CCDC3: variants seen among roughly 807,000 people sequenced by gnomAD.
CCDC3 encodes the protein coiled-coil domain containing 3.
Under a neutral mutation model 21.4 loss-of-function variants are expected in CCDC3, and 24 were observed. The observed-to-expected ratio is 1.12, with a 90% CI of 0.81 to 1.58. The LOEUF is 1.58. Among genes scored for constraint, CCDC3 ranks in the 40% most tolerant of loss-of-function variants. CCDC3 has a pLI of 0.00. For synonymous variants in CCDC3, 186 were observed against 166.0 expected, an observed-to-expected ratio of 1.12 and a Z score of -0.93; for missense variants, 425 against 360.9, an observed-to-expected ratio of 1.18 and a Z score of -1.44.
intron 2 of CCDC3, among the ~76,000 whole-genome samples, chr10:12,923,183 G>C (rs573298873): frequency 1.3e-5 from 2 of 152,286 alleles, no homozygotes; most frequent in South Asian, 4.1e-4. Flanking sequence ...TTCTAGAAGG[G>C]AAAGTAATCT....
intron 2 of CCDC3, among the ~76,000 whole-genome samples, chr10:12,965,245 T>A (rs1835244138): frequency 6.6e-6 from 1 of 152,170 alleles, no homozygotes. Context: ...TTAAGGGGTA[T>A]GACTTTTTTT....
chr10:12,975,443 C>T (rs962009880), intron 2 of CCDC3, among the ~76,000 whole-genome samples: 2 of 152,156 alleles, frequency 1.3e-5, no homozygotes, highest in South Asian at 2.1e-4. Context: ...AGATCAGTTT[C>T]GGCAGCCTCT....
At chr10:13,042,709 C>T (rs558452568) in intron 5 of CCDC3, among the ~76,000 whole-genome samples, 10 of 151,292 alleles carry the variant, frequency 6.6e-5, no homozygotes, top group African/African-American at 2.4e-4. Context: ...GAGATCGAGA[C>T]CATCCTGGCT....
chr10:12,920,440 T>C (rs139163884), intron 2 of CCDC3, among the ~76,000 whole-genome samples: 12 of 152,278 alleles, frequency 7.9e-5, no homozygotes, highest in African/African-American at 2.9e-4. Context: ...ATGTGGACAT[T>C]TCAGGGCTGG....
rs151206458 is a variant in CCDC3, at chr10:12,964,165, G to C, written c.549+34173C>G. Among the ~76,000 whole-genome samples, 996 of 152,154 alleles carry C rather than the reference G, an allele frequency of 6.5e-3. 5 individuals carry two copies. Among genetic ancestry groups the C allele is most frequent in the African/African-American group, 0.022 (925 of 41,522 alleles). On this transcript the variant is annotated intron_variant, in intron 2 of 2. Transcript: ENST00000378825. ...AAGCAAGCGGATCACTTGAGGTCGG[G>C]AGTTCGAGACCAGCCTAACCAACAT... is the stretch of plus-strand genomic sequence containing the variant.
intron 2 of CCDC3, among the ~76,000 whole-genome samples, chr10:12,986,874 G>A (rs1415321717): frequency 1.3e-5 from 2 of 152,086 alleles, no homozygotes; most frequent in East Asian, 1.9e-4. Context: ...CCCTGTTTAA[G>A]AGTAATAACT....
At chr10:13,015,614 G>T (rs1836047183) in intron 5 of CCDC3, among the ~76,000 whole-genome samples, 2 of 152,068 alleles carry the variant, frequency 1.3e-5, no homozygotes, top group South Asian at 4.2e-4. Flanking sequence ...GAATAAAGCT[G>T]CAATTCGGAC....
At position 13,001,614 on chromosome 10, in the gene CCDC3, G is replaced by A; in HGVS notation, c.-44C>T. 4.5e-6 allele frequency: 5 copies of A among 1,108,368 alleles called. No individual in the cohort carries two copies. The highest frequency in any genetic ancestry group is 5.5e-6 in the Non-Finnish European group (5 of 909,816). 68.7% of individuals were successfully genotyped at this position (1,108,368 alleles called of 1,614,324 possible). ...GCACGGGGCGGCGGCGGGGAGCCCG[G>A]GGAGCCCGCCGGCCCGGGAAGGGCA... On this transcript the variant is annotated 5_prime_UTR_variant, in exon 1 of 3. Transcript: ENST00000378825.
At chr10:13,054,154 CA>C (rs71386143) in intron 4 of CCDC3, among the ~76,000 whole-genome samples, 19,436 of 99,834 alleles carry the variant, frequency 0.19, 1,927 homozygotes, top group African/African-American at 0.34. Context: ...GACTCTGTAT[CA>C]AAAAAAAAAA....
chr10:12,927,475 A>C (rs1212200052), intron 2 of CCDC3, among the ~76,000 whole-genome samples: 1 of 152,138 alleles, frequency 6.6e-6, no homozygotes, highest in East Asian at 1.9e-4. Flanking sequence ...TATAAGGCCC[A>C]TATATTACAC....
At chr10:12,957,589 C>A (rs943078083) in intron 2 of CCDC3, among the ~76,000 whole-genome samples, 1 of 152,196 alleles carries the variant, frequency 6.6e-6, no homozygotes, top group Non-Finnish European at 1.5e-5. Flanking sequence ...GGATTTTTCA[C>A]AAATGGCTTC....
chr10:12,905,379 T>C (rs565833487), intron 2 of CCDC3, among the ~76,000 whole-genome samples: 1 of 152,314 alleles, frequency 6.6e-6, no homozygotes, highest in African/African-American at 2.4e-5. Context: ...TCTGGCCCTT[T>C]ACAAGGAAAA....
At chr10:12,996,816 A>C (rs935202678) in intron 2 of CCDC3, among the ~76,000 whole-genome samples, 1 of 152,100 alleles carries the variant, frequency 6.6e-6, no homozygotes, top group African/African-American at 2.4e-5. Flanking sequence ...ATCCTAAGCA[A>C]ATGAACGCAG....
chr10:12,998,513 C>T lies in CCDC3; in HGVS notation c.375-1G>A, dbSNP rs1029998622. 2 of 1,612,906 alleles carry T rather than the reference C, an allele frequency of 1.2e-6. No homozygotes were observed. Among genetic ancestry groups the T allele is most frequent in the Non-Finnish European group, 8.5e-7 (1 of 1,179,530 alleles). On this transcript the variant is annotated splice_acceptor_variant, in intron 1 of 2. Transcript: ENST00000378825. LOFTEE classifies it high-confidence loss of function. ...CAAGAGGTTATAATTTTCATCCATC[C>T]TAATGGAGGAAAAAAAGGCAGACAT...
chr10:13,015,069 C>T (rs1836036529), intron 5 of CCDC3, among the ~76,000 whole-genome samples: 1 of 152,012 alleles, frequency 6.6e-6, no homozygotes, highest in Non-Finnish European at 1.5e-5. Context: ...AAAAGGCATG[C>T]ATGTGATATA....
intron 2 of CCDC3, among the ~76,000 whole-genome samples, chr10:12,935,995 T>C (rs1402750437): frequency 2.0e-5 from 3 of 152,186 alleles, no homozygotes; most frequent in Non-Finnish European, 4.4e-5. Flanking sequence ...GCTATTCTTT[T>C]GAACAAACTT....
chr10:12,959,416 C>T (rs1835146063), intron 2 of CCDC3, among the ~76,000 whole-genome samples: 1 of 152,178 alleles, frequency 6.6e-6, no homozygotes, highest in Admixed American at 6.5e-5. Context: ...GATCCACCTG[C>T]CTCGGCCTCC....
chr10:13,005,318 G>GGAA, upstream of CCDC3, among the ~76,000 whole-genome samples: 1 of 152,316 alleles, frequency 6.6e-6, no homozygotes, highest in East Asian at 1.9e-4. Context: ...AAGAGGCAAC[G>GGAA]TACCTTCAGA....
intron 5 of CCDC3, among the ~76,000 whole-genome samples, chr10:13,015,746 G>A (rs753802988): frequency 3.1e-4 from 47 of 151,934 alleles, no homozygotes; most frequent in Admixed American, 3.0e-3. Context: ...TGCCCATCCC[G>A]ATGAACCCCC....
Sources: allele counts gnomAD v4.1 joint callset (sites outside exome capture counted in the v4.1 genomes callset), GRCh38; gene constraint gnomAD v4.1.1; transcripts MANE v1.5; gene names NCBI Gene and HGNC (gene_info 2026-07-23, HGNC 2026-07-21).